Variants in CADPS observed in about 807,000 individuals in gnomAD.
CADPS encodes the protein calcium-dependent secretion activator 1.
In CADPS, 57 loss-of-function variants were observed where a neutral mutation model predicts 167.3. The ratio of observed to expected loss-of-function variants is 0.34; its 90% CI spans 0.28 to 0.42. The LOEUF (loss-of-function observed/expected upper bound fraction) is 0.42, where lower values mean the gene tolerates loss of function less well. Among genes scored for constraint, CADPS ranks in the 20% least tolerant of loss-of-function variants. CADPS has a pLI of 1.00. For synonymous variants in CADPS, 676 were observed against 635.3 expected, an observed-to-expected ratio of 1.06 and a Z score of -0.96; for missense variants, 1,414 against 1,738.1, an observed-to-expected ratio of 0.81 and a Z score of 3.32.
intron 6 of CADPS, among the ~76,000 whole-genome samples, chr3:62,600,229 T>C (rs1246665183): frequency 1.3e-5 from 2 of 151,142 alleles, no homozygotes; most frequent in Non-Finnish European, 2.9e-5. Flanking sequence ...ATACTCAGCA[T>C]GCAACAGCTC....
At chr3:62,766,025 C>T (rs757317846) in intron 1 of CADPS, 41 bp from the exon 2 acceptor site, 1 of 1,407,694 alleles carries the variant, frequency 7.1e-7, no homozygotes, top group East Asian at 2.3e-5. Context: ...AGAACTTGTC[C>T]TAGACAAGGA....
At chr3:62,864,685 T>C (rs2081370869) in intron 1 of CADPS, among the ~76,000 whole-genome samples, 1 of 152,170 alleles carries the variant, frequency 6.6e-6, no homozygotes, top group South Asian at 2.1e-4. Flanking sequence ...TAGCCCACCC[T>C]AATGACCTCA....
At chr3:62,698,642 TCC>T (rs1443497690) in intron 3 of CADPS, among the ~76,000 whole-genome samples, 1 of 150,868 alleles carries the variant, frequency 6.6e-6, no homozygotes, top group Admixed American at 6.6e-5. Flanking sequence ...CTTCTCCTTC[TCC>T]TTCTTCTCTT....
chr3:62,778,647 A>G (rs1489497710), intron 1 of CADPS, among the ~76,000 whole-genome samples: 2 of 152,164 alleles, frequency 1.3e-5, no homozygotes, highest in African/African-American at 4.8e-5. Context: ...ATTGATGCCT[A>G]TACACCCACC....
chr3:62,542,338 G>A (rs1021606657), intron 11 of CADPS, among the ~76,000 whole-genome samples: 4 of 152,134 alleles, frequency 2.6e-5, no homozygotes, highest in African/African-American at 9.7e-5. Flanking sequence ...GAAAATGTGT[G>A]CTTGTCATAT....
chr3:62,767,472 A>G (rs2087218504), intron 1 of CADPS, among the ~76,000 whole-genome samples: 1 of 152,356 alleles, frequency 6.6e-6, no homozygotes, highest in East Asian at 1.9e-4. Context: ...TTAAAAAATT[A>G]AAAGTTTTTA....
At chr3:62,739,064 G>A (rs2079623136) in intron 3 of CADPS, among the ~76,000 whole-genome samples, 1 of 152,180 alleles carries the variant, frequency 6.6e-6, no homozygotes, top group Admixed American at 6.5e-5. Context: ...AAGAGATGGA[G>A]TCTGTTTCTC....
chr3:62,731,722 C>A (rs1438777647), intron 3 of CADPS, among the ~76,000 whole-genome samples: 1 of 142,654 alleles, frequency 7.0e-6, no homozygotes, highest in African/African-American at 2.6e-5. Flanking sequence ...ATATGTAAGG[C>A]ACTGGTGAAT....
At chr3:62,832,310 G>A (rs758060276) in intron 1 of CADPS, among the ~76,000 whole-genome samples, 1 of 152,206 alleles carries the variant, frequency 6.6e-6, no homozygotes, top group Non-Finnish European at 1.5e-5. Context: ...TTTGAGAAGT[G>A]TTTATGTTAA....
At chr3:62,469,212 T>C (rs1168011507) in intron 24 of CADPS, among the ~76,000 whole-genome samples, 1 of 152,166 alleles carries the variant, frequency 6.6e-6, no homozygotes, top group Non-Finnish European at 1.5e-5. Context: ...ATTCAAGTAA[T>C]TACAGAATAC....
Position 62,544,366 on chromosome 3 carries a change from T to A in CADPS, c.1966+5537A>T, listed in dbSNP as rs2076146967. Among the ~76,000 whole-genome samples, 1 of 152,130 alleles carries A rather than the reference T, an allele frequency of 6.6e-6. No homozygotes were observed. Among genetic ancestry groups the A allele is most frequent in the African/African-American group, 2.4e-5 (1 of 41,434 alleles). ...CCTACCCCACTTATTTTTTAAGGTA[T>A]CCATGGTTACCACACCACTGGTACT... On this transcript the variant is annotated intron_variant, in intron 11 of 29. Coordinates refer to ENST00000383710, the MANE Select transcript of CADPS (RefSeq NM_003716.4). This position sits in a 1 kb window ranked among gnomAD's most constrained non-coding sequence, Gnocchi z 4.4.
intron 5 of CADPS, among the ~76,000 whole-genome samples, chr3:62,648,579 G>A (rs1360984397): frequency 1.3e-5 from 2 of 151,618 alleles, no homozygotes; most frequent in Non-Finnish European, 2.9e-5. Context: ...CTACTTGGGA[G>A]GCTGGCTGAG....
At chr3:62,691,354 C>T (rs942715474) in intron 3 of CADPS, among the ~76,000 whole-genome samples, 1 of 151,880 alleles carries the variant, frequency 6.6e-6, no homozygotes, top group African/African-American at 2.4e-5. Flanking sequence ...TCAGTGTAGG[C>T]TCATCAACTG....
At chr3:62,512,660 C>T in intron 17 of CADPS, 91 bp downstream of exon 17, 1 of 957,228 alleles carries the variant, frequency 1.0e-6, no homozygotes, top group East Asian at 2.5e-5. Flanking sequence ...TCTGGGAGTA[C>T]AAACCTTAAG....
At chr3:62,594,082 T>C (rs1340593356) in intron 6 of CADPS, among the ~76,000 whole-genome samples, 1 of 152,104 alleles carries the variant, frequency 6.6e-6, no homozygotes, top group Non-Finnish European at 1.5e-5. Flanking sequence ...TTTTACTTTA[T>C]ACAATGACCA....
At position 62,402,141 on chromosome 3, in the gene CADPS, C is replaced by T. The variant is rs770909021; in HGVS notation, c.3882+940G>A. On this transcript the variant is annotated intron_variant, in intron 29 of 29. Coordinates refer to ENST00000383710, the MANE Select transcript of CADPS (RefSeq NM_003716.4). ...TCAAATGCAGATAATAATAATTCTC[C>T]TTAATTACACACAACGGAACAGCAG... is the stretch of plus-strand genomic sequence containing the variant. 9.8e-4 allele frequency among the ~76,000 whole-genome samples: 143 copies of T among 145,428 alleles called. 3 individuals carry two copies. The highest frequency in any genetic ancestry group is 7.0e-4 in the Non-Finnish European group (47 of 67,426).
chr3:62,625,128 T>TC (rs1216919113), intron 6 of CADPS: 1 of 150,088 alleles, frequency 6.7e-6, no homozygotes, highest in East Asian at 1.9e-4. Context: ...CCATGACAAG[T>TC]TTACCTATGT....
chr3:62,820,487 G>A (rs2094850985), intron 1 of CADPS, among the ~76,000 whole-genome samples: 1 of 152,072 alleles, frequency 6.6e-6, no homozygotes, highest in Non-Finnish European at 1.5e-5. Context: ...AGAGCCTACT[G>A]TATGAAGTGG....
intron 26 of CADPS, among the ~76,000 whole-genome samples, chr3:62,456,763 TAAA>T (rs11368866): frequency 1.5e-5 from 2 of 129,306 alleles, no homozygotes; most frequent in Admixed American, 7.9e-5. Context: ...TATCACTGTC[TAAA>T]AAAAAAAAAA....
Sources: allele counts gnomAD v4.1 joint callset (sites outside exome capture counted in the v4.1 genomes callset), GRCh38; gene constraint gnomAD v4.1.1; non-coding constraint Gnocchi (gnomAD v3.1); transcripts MANE v1.5; gene names NCBI Gene and HGNC (gene_info 2026-07-23, HGNC 2026-07-21).